Variants in PRPF3 observed in about 807,000 individuals in gnomAD.
PRPF3 encodes the protein U4/U6 small nuclear ribonucleoprotein Prp3.
PRPF3 carries 3 observed loss-of-function variants against 89.2 expected under a neutral mutation model. The ratio of observed to expected loss-of-function variants is 0.03; its 90% confidence interval spans 0.02 to 0.09. The LOEUF (loss-of-function observed/expected upper bound fraction) is 0.09, where lower values mean the gene tolerates loss of function less well. Among genes scored for constraint, PRPF3 ranks in the 10% least tolerant of loss-of-function variants. The pLI is 1.00. For missense variants in PRPF3, 463 were observed against 828.8 expected, an observed-to-expected ratio of 0.56 and a Z score of 5.42; for synonymous variants, 270 against 289.1, an observed-to-expected ratio of 0.93 and a Z score of 0.67.
At chr1:150,328,547 A>ATTTT (rs34437719) in intron 4 of PRPF3, 81 bp downstream of exon 4, 108,384 of 549,580 alleles carry the variant, frequency 0.2, 4,982 homozygotes, top group East Asian at 0.28. Context: ...TTATTGTGGA[A>ATTTT]TTTTTTTTTT....
intron 15 of PRPF3, among the ~76,000 whole-genome samples, chr1:150,352,453 C>A (rs1183072770): frequency 1.3e-5 from 2 of 152,206 alleles, no homozygotes; most frequent in Admixed American, 6.5e-5. Flanking sequence ...ATCACGAGGT[C>A]AGGAGATCGA....
intron 4 of PRPF3, among the ~76,000 whole-genome samples, chr1:150,332,259 G>T (rs1227621547): frequency 6.6e-6 from 1 of 151,732 alleles, no homozygotes; most frequent in Non-Finnish European, 1.5e-5. Context: ...AATATTTTGT[G>T]TAGGTTCTGT....
chr1:150,350,401 A>G (rs1331620050), intron 15 of PRPF3, among the ~76,000 whole-genome samples: 1 of 148,480 alleles, frequency 6.7e-6, no homozygotes, highest in Non-Finnish European at 1.5e-5. Context: ...GGGTTTCGCC[A>G]TATTGGTCAA....
chr1:150,326,031 T>A, intron 3 of PRPF3, 150 bp downstream of exon 3: 1 of 940,196 alleles, frequency 1.1e-6, no homozygotes, highest in Non-Finnish European at 1.6e-6. Context: ...AGAGATGAAT[T>A]AGTGTCATCA....
chr1:150,350,696 C>T (rs1461880886), intron 15 of PRPF3, among the ~76,000 whole-genome samples: 1 of 152,180 alleles, frequency 6.6e-6, no homozygotes, highest in African/African-American at 2.4e-5. Flanking sequence ...CACAGTGGCT[C>T]ACGCCTATAA....
chr1:150,337,478 T>C (rs1313644250), intron 7 of PRPF3, among the ~76,000 whole-genome samples: 3 of 152,160 alleles, frequency 2.0e-5, no homozygotes, highest in Non-Finnish European at 4.4e-5. Flanking sequence ...TCAGAAATTA[T>C]GAACTTGTTG....
At chr1:150,344,604 T>C in intron 12 of PRPF3, 57 bp downstream of exon 12, 1 of 1,567,356 alleles carries the variant, frequency 6.4e-7, no homozygotes, top group Non-Finnish European at 8.7e-7. Context: ...ATTTTCCAAG[T>C]GCTTGAGGCA....
intron 3 of PRPF3, 138 bp from the exon 4 acceptor site, chr1:150,328,182 T>C: frequency 1.1e-6 from 1 of 926,220 alleles, no homozygotes; most frequent in Non-Finnish European, 1.7e-6. Context: ...TAGACCCTGC[T>C]TCTGGCAGGT....
In PRPF3 at chr1:150,335,171, G is replaced by A. The variant is rs782338130; in HGVS notation, c.965G>A (p.Arg322His). Residue 322 changes from arginine (R) to histidine (H), a missense_variant, in exon 7 of 16, where the codon CGC becomes CAC. By Grantham distance (29) the Arg-to-His change is conservative (BLOSUM62 0). Coordinates refer to ENST00000324862, the MANE Select transcript of PRPF3 (RefSeq NM_004698.4). The part of the protein sequence containing the change: ...DPRVSIAPSQ[R>H]QRRTFKFHDK... ...CGAGTCTCCATTGCCCCTTCCCAGC[G>A]CCAGAGACGCACTTTTAAATTCCAT... The A allele has an allele frequency of 4.3e-6, 7 of 1,613,876 alleles. No individual in the cohort carries two copies. Among genetic ancestry groups the A allele is most frequent in the South Asian group, 2.2e-5 (2 of 91,056 alleles).
At position 150,328,259 on chromosome 1, in the gene PRPF3, A is replaced by C. The variant is rs1020254086; in HGVS notation, c.277-61A>C. The C allele has an allele frequency of 2.2e-5, 35 of 1,597,726 alleles. No individual in the cohort carries two copies. In the South Asian group the frequency reaches 3.8e-4, roughly 17 times the overall value. On this transcript the variant is annotated intron_variant, in intron 3 of 15. Transcript: ENST00000324862. ...AGAAAATGCTGGTAGGGGCTAGGAT[A>C]ATTCTTCCCTTCTCCCCACGGGGAG...
At chr1:150,349,333 T>C in intron 15 of PRPF3, 115 bp downstream of exon 15, 2 of 847,580 alleles carry the variant, frequency 2.4e-6, no homozygotes, top group Non-Finnish European at 3.9e-6. Context: ...TTTAAATAAT[T>C]TATGTTTCTT....
At chr1:150,341,613 T>G (rs1278798551) in intron 9 of PRPF3, among the ~76,000 whole-genome samples, 1 of 151,892 alleles carries the variant, frequency 6.6e-6, no homozygotes, top group Non-Finnish European at 1.5e-5. Flanking sequence ...CCATGTTTGG[T>G]CAGGCTGGTC....
intron 1 of PRPF3, among the ~76,000 whole-genome samples, chr1:150,322,434 G>A (rs1295340847): frequency 3.9e-5 from 6 of 152,214 alleles, no homozygotes; most frequent in African/African-American, 1.4e-4. Context: ...GTGGGGCTCA[G>A]TGTCCCAACT....
intron 8 of PRPF3, among the ~76,000 whole-genome samples, chr1:150,340,134 C>T (rs1355478427): frequency 6.6e-6 from 1 of 152,068 alleles, no homozygotes; most frequent in Non-Finnish European, 1.5e-5. Context: ...GAGAACATAG[C>T]GTCTGTCAGC....
intron 6 of PRPF3, among the ~76,000 whole-genome samples, chr1:150,333,898 G>A (rs1356343596): frequency 6.6e-6 from 1 of 152,106 alleles, no homozygotes; most frequent in Non-Finnish European, 1.5e-5. Context: ...CATCCCATGA[G>A]TGACATAAGA....
chr1:150,343,544 T>C (rs952430444), intron 10 of PRPF3, 92 bp downstream of exon 10: 1 of 1,504,176 alleles, frequency 6.6e-7, no homozygotes, highest in Non-Finnish European at 9.2e-7. Context: ...GTTTGAGTGA[T>C]TTCTGTTTCT....
intron 1 of PRPF3, among the ~76,000 whole-genome samples, chr1:150,324,527 AC>A (rs1413100705): frequency 1.3e-5 from 2 of 150,222 alleles, no homozygotes; most frequent in African/African-American, 4.9e-5. Context: ...TTCCTGATGT[AC>A]TAACCATTTC....
intron 14 of PRPF3, among the ~76,000 whole-genome samples, chr1:150,347,800 T>C (rs1468099875): frequency 1.3e-5 from 2 of 152,142 alleles, no homozygotes; most frequent in African/African-American, 4.8e-5. Context: ...TTATACTTTC[T>C]CAGAATACTT....
chr1:150,351,394 G>T (rs782686483), intron 15 of PRPF3, among the ~76,000 whole-genome samples: 3 of 152,026 alleles, frequency 2.0e-5, no homozygotes, highest in Non-Finnish European at 4.4e-5. Flanking sequence ...CATGTATCCT[G>T]CCTTATCCCA....
Sources: gnomAD v4.1 joint callset for allele counts (sites outside exome capture counted in the v4.1 genomes callset) on GRCh38, gnomAD v4.1.1 for gene constraint, MANE v1.5 for transcripts, NCBI Gene and HGNC (gene_info 2026-07-23, HGNC 2026-07-21) for gene names.